The following ELAPOR2 variants were observed in gnomAD, a reference collection of about 807,000 sequenced individuals.
ELAPOR2 encodes endosome-lysosome associated apoptosis and autophagy regulator family member 2.
In ELAPOR2, 89 loss-of-function variants were observed where a neutral mutation model predicts 120.7. The observed-to-expected ratio is 0.74, with a 90% CI of 0.62 to 0.88. The LOEUF (loss-of-function observed/expected upper bound fraction) is 0.88, where lower values mean the gene tolerates loss of function less well. Among genes scored for constraint, ELAPOR2 ranks in the 40% least tolerant of loss-of-function variants. The pLI is 0.00. For synonymous variants in ELAPOR2, 444 were observed against 444.9 expected (o/e 1.00, Z 0.03); for missense variants, 1,134 against 1,251.6 (o/e 0.91, Z 1.42).
intron 8 of ELAPOR2, among the ~76,000 whole-genome samples, chr7:86,934,675 AAC>A (rs1341129740): frequency 6.6e-6 from 1 of 151,994 alleles, no homozygotes; most frequent in African/African-American, 2.4e-5. Flanking sequence ...ACTTTTACCC[AAC>A]CCCAAGGCTT....
chr7:87,011,786 A>G (rs1039778742), intron 1 of ELAPOR2, among the ~76,000 whole-genome samples: 2 of 152,206 alleles, frequency 1.3e-5, no homozygotes, highest in African/African-American at 4.8e-5. Context: ...GGAGGGGAAG[A>G]AAGATGACAG....
chr7:86,897,751 A>G, intron 18 of ELAPOR2, 119 bp from the exon 19 acceptor site: 1 of 1,155,186 alleles, frequency 8.7e-7, no homozygotes, highest in Non-Finnish European at 1.2e-6. Context: ...GATGCTGAAG[A>G]AACACAAGTG....
At chr7:86,903,665 G>A (rs887308744) in intron 18 of ELAPOR2, among the ~76,000 whole-genome samples, 4 of 152,134 alleles carry the variant, frequency 2.6e-5, no homozygotes, top group African/African-American at 9.7e-5. Flanking sequence ...GAATATAACA[G>A]GACAGAACTG....
chr7:86,903,420 A>G (rs958998210), intron 18 of ELAPOR2, among the ~76,000 whole-genome samples: 1 of 152,216 alleles, frequency 6.6e-6, no homozygotes, highest in Admixed American at 6.5e-5. Flanking sequence ...ACAGACTTAC[A>G]TATCTATTAT....
At chr7:86,968,270 C>A (rs947109086) in intron 1 of ELAPOR2, among the ~76,000 whole-genome samples, 1 of 152,078 alleles carries the variant, frequency 6.6e-6, no homozygotes, top group Non-Finnish European at 1.5e-5. Flanking sequence ...CCCTTGGAAA[C>A]GGAAATTTTC....
Position 86,950,714 on chromosome 7 carries a change from G to T in ELAPOR2, c.311-2792C>A, listed in dbSNP as rs192640547. ...TGCACCTGGCTAGCCCTTGGCCAGCGTGGGACCCAGGCCAGTAGAGTGAGC... is the reference window on the plus strand; with the variant it reads ...TGCACCTGGCTAGCCCTTGGCCAGCTTGGGACCCAGGCCAGTAGAGTGAGC... On this transcript the variant is annotated intron_variant, in intron 2 of 21. Transcript: ENST00000450689. Among the ~76,000 whole-genome samples the T allele has an allele frequency of 2.4e-3, 361 of 152,308 alleles. 1 individual carries two copies. The highest frequency in any genetic ancestry group is 8.4e-3 in the African/African-American group (350 of 41,582).
At chr7:86,918,323 CA>C (rs370415220) in intron 12 of ELAPOR2, 118 bp downstream of exon 12, 20,880 of 172,798 alleles carry the variant, frequency 0.12, 2 homozygotes, top group East Asian at 0.16. Context: ...CTAAGAATAG[CA>C]AAAAAAAAAA....
intron 1 of ELAPOR2, among the ~76,000 whole-genome samples, chr7:87,028,945 A>G (rs1317543730): frequency 6.6e-6 from 1 of 152,098 alleles, no homozygotes; most frequent in Non-Finnish European, 1.5e-5. Flanking sequence ...GGGTTTTTGC[A>G]TTTGCATTTG....
intron 1 of ELAPOR2, among the ~76,000 whole-genome samples, chr7:86,996,791 G>T (rs1635000): frequency 0.38 from 57,261 of 151,658 alleles, 11,605 homozygotes; most frequent in African/African-American, 0.53. Context: ...AACCCCTTAC[G>T]CCATGGCTAT....
intron 1 of ELAPOR2, among the ~76,000 whole-genome samples, chr7:87,040,097 C>G (rs954987341): frequency 6.6e-6 from 1 of 152,246 alleles, no homozygotes; most frequent in Non-Finnish European, 1.5e-5. Flanking sequence ...AGATTATATC[C>G]CGCACCTGGC....
intron 11 of ELAPOR2, 32 bp from the exon 12 acceptor site, chr7:86,918,576 A>C: frequency 4.0e-6 from 5 of 1,253,170 alleles, no homozygotes; most frequent in Non-Finnish European, 5.9e-6. Flanking sequence ...CAATATTTAT[A>C]CTATGTTCTA....
At chr7:86,988,049 G>A (rs527987876) in intron 1 of ELAPOR2, among the ~76,000 whole-genome samples, 4 of 152,136 alleles carry the variant, frequency 2.6e-5, no homozygotes, top group Admixed American at 6.5e-5. Context: ...CCTTTGCAGC[G>A]ACATGGAGGA....
At chr7:86,976,240 C>A (rs555154086) in intron 1 of ELAPOR2, among the ~76,000 whole-genome samples, 1 of 152,264 alleles carries the variant, frequency 6.6e-6, no homozygotes, top group African/African-American at 2.4e-5. Context: ...TTTCTTCCTT[C>A]CTTCACTTGT....
intron 1 of ELAPOR2, among the ~76,000 whole-genome samples, chr7:87,006,204 CAAAG>C (rs1231810691): frequency 6.6e-6 from 1 of 151,962 alleles, no homozygotes; most frequent in Non-Finnish European, 1.5e-5. Flanking sequence ...AGAAACTTCC[CAAAG>C]AAAGATATAC....
chr7:86,880,466 T>C lies in ELAPOR2; in HGVS notation c.*5A>G, dbSNP rs1457671182. The C allele has an allele frequency of 6.2e-7, 1 of 1,602,978 alleles. No individual in the cohort carries two copies. The highest frequency in any genetic ancestry group is 1.7e-5 in the Admixed American group (1 of 59,910). On this transcript the variant is annotated 3_prime_UTR_variant, in exon 22 of 22. Coordinates refer to ENST00000450689, the MANE Select transcript of ELAPOR2 (RefSeq NM_001142749.3). Reference sequence around the variant, plus strand: ...CATTAGTCTCAAGGCTACAGCACTGTCTCTTCATATATTTGGGGATCTTGA... The same window carrying C: ...CATTAGTCTCAAGGCTACAGCACTGCCTCTTCATATATTTGGGGATCTTGA...
chr7:87,001,011 T>G (rs1635012), intron 1 of ELAPOR2, among the ~76,000 whole-genome samples: 1 of 151,944 alleles, frequency 6.6e-6, no homozygotes, highest in Non-Finnish European at 1.5e-5. Flanking sequence ...AATAAGATCA[T>G]GTGTATCAGG....
chr7:86,983,098 T>C (rs543181900), intron 1 of ELAPOR2, among the ~76,000 whole-genome samples: 3 of 152,154 alleles, frequency 2.0e-5, no homozygotes, highest in South Asian at 4.1e-4. Context: ...TGATTGCAGA[T>C]TGAATTAATG....
chr7:86,889,897 T>C (rs958724846), intron 21 of ELAPOR2, among the ~76,000 whole-genome samples: 6 of 151,990 alleles, frequency 3.9e-5, no homozygotes, highest in Admixed American at 1.3e-4. Flanking sequence ...TGATGGTTCA[T>C]AGCATTTGTT....
Position 86,897,646 on chromosome 7 carries a change from C to A in ELAPOR2, c.2559-14G>T, listed in dbSNP as rs777083200. The A allele has an allele frequency of 1.2e-6, 2 of 1,612,168 alleles. No individual in the cohort carries two copies. The highest frequency in any genetic ancestry group is 1.7e-6 in the Non-Finnish European group (2 of 1,179,036). ...GCTGGGCACTTGCTAAAATCATAAACAAAACCAAAAACACATAAGTGGCAG... is the reference window on the plus strand; with the variant it reads ...GCTGGGCACTTGCTAAAATCATAAAAAAAACCAAAAACACATAAGTGGCAG... On this transcript the variant is annotated splice_polypyrimidine_tract_variant and intron_variant, in intron 18 of 21. Coordinates refer to ENST00000450689, the MANE Select transcript of ELAPOR2 (RefSeq NM_001142749.3).
Sources: gnomAD v4.1 joint callset for allele counts (sites outside exome capture counted in the v4.1 genomes callset) on GRCh38, gnomAD v4.1.1 for gene constraint, MANE v1.5 for transcripts, NCBI Gene and HGNC (gene_info 2026-07-23, HGNC 2026-07-21) for gene names.